The following XRN2 variants were observed in gnomAD, a reference collection of about 807,000 sequenced individuals.
XRN2 encodes DHM1-like protein.
In XRN2, 44 loss-of-function variants were observed where a neutral mutation model predicts 138.5. The observed-to-expected ratio is 0.32, with a 90% confidence interval of 0.25 to 0.41. XRN2 has a LOEUF of 0.41. Among genes scored for constraint, XRN2 ranks in the 10% least tolerant of loss-of-function variants. XRN2 has a pLI of 1.00. For missense variants in XRN2, 937 were observed against 1,169.3 expected (o/e 0.80, Z 2.90); for synonymous variants, 354 against 369.4 (o/e 0.96, Z 0.48).
chr20:21,368,410 T>C, intron 26 of XRN2, 53 bp from the exon 27 acceptor site: 1 of 1,601,196 alleles, frequency 6.2e-7, no homozygotes, highest in Non-Finnish European at 8.5e-7. Context: ...AGCTGTGTTA[T>C]GATGGGTATA....
intron 23 of XRN2, among the ~76,000 whole-genome samples, chr20:21,356,893 G>T (rs138474143): frequency 1.2e-4 from 18 of 152,258 alleles, no homozygotes; most frequent in African/African-American, 4.3e-4. Flanking sequence ...TATTCTGAAG[G>T]TTAAAACTCT....
chr20:21,364,942 C>T (rs6132419), intron 24 of XRN2, among the ~76,000 whole-genome samples: 10,773 of 152,162 alleles, frequency 0.071, 1,045 homozygotes, highest in African/African-American at 0.21. Context: ...TCCATCCCCC[C>T]CGCACCATAG....
At chr20:21,366,528 G>C (rs1288273356) in intron 26 of XRN2, among the ~76,000 whole-genome samples, 1 of 150,406 alleles carries the variant, frequency 6.6e-6, no homozygotes, top group East Asian at 2.0e-4. Context: ...CTGCACTCCA[G>C]CCTGGGCGAC....
chr20:21,330,512 A>C lies in XRN2; in HGVS notation c.459A>C (p.Glu153Asp). Reference sequence around the variant, plus strand: ...TTCTTCCTCCAGAAGAAATAAAAGAAAGATTTGACAGCAACTGTATTACAC... The same window carrying C: ...TTCTTCCTCCAGAAGAAATAAAAGACAGATTTGACAGCAACTGTATTACAC... ...GGFLPPEEIK[E>D]RFDSNCITPG... is the part of the protein sequence containing the mutation. The change falls in exon 5 of 30, where the codon GAA (glutamate) becomes GAC (aspartate). Residue 153 changes from glutamate (E) to aspartate (D), a missense_variant. By Grantham distance (45) the Glu-to-Asp change is conservative. Coordinates refer to ENST00000377191, the MANE Select transcript of XRN2 (RefSeq NM_012255.5). 6.2e-7 allele frequency: 1 copy of C among 1,613,898 alleles called. No individual in the cohort carries two copies. The highest frequency in any genetic ancestry group is 1.1e-5 in the South Asian group (1 of 91,048).
intron 27 of XRN2, among the ~76,000 whole-genome samples, chr20:21,371,846 A>G (rs2038766144): frequency 1.3e-5 from 2 of 152,334 alleles, no homozygotes; most frequent in South Asian, 4.1e-4. Flanking sequence ...AGGGGCCTAC[A>G]GTTCTATAGT....
At chr20:21,365,541 T>G (rs1600710462) in intron 25 of XRN2, 32 bp from the exon 26 acceptor site, 1 of 1,613,382 alleles carries the variant, frequency 6.2e-7, no homozygotes, top group East Asian at 2.2e-5. Flanking sequence ...TTTTCATCCC[T>G]ATTACTAAGT....
At position 21,389,359 on chromosome 20, in the gene XRN2, A is replaced by T. The variant is rs374096545; in HGVS notation, c.*21A>T. The stretch of plus-strand genomic sequence containing the variant: ...ATTAAGCTTTTGTAAAGCTTTCCCA[A>T]ATCCTTTCATCATTCTACAGTTTTA... On this transcript the variant is annotated 3_prime_UTR_variant, in exon 30 of 30. Coordinates refer to ENST00000377191, the MANE Select transcript of XRN2 (RefSeq NM_012255.5). 16 of 1,604,124 alleles carry T rather than the reference A, an allele frequency of 1.0e-5. No individual in the cohort carries two copies. The highest frequency in any genetic ancestry group is 1.4e-5 in the Non-Finnish European group (16 of 1,175,022).
chr20:21,326,548 C>G lies in XRN2; in HGVS notation c.262C>G (p.Leu88Val). The change falls in exon 3 of 30, where the codon CTT (leucine) becomes GTT (valine). Residue 88 changes from leucine to valine, a missense_variant. By Grantham distance (32) the Leu-to-Val change is conservative (BLOSUM62 1). Around this residue, in one of 6 missense-constraint regions of XRN2, gnomAD observed 51 missense variants for 93.5 expected, o/e 0.55. Transcript: ENST00000377191. ...TGCAATTTTTGAGTACATTGACAGA[C>G]TTTTCAGTATTGTAAGACCAAGAAG... is the stretch of plus-strand genomic sequence containing the variant. ...MVAIFEYIDR[L>V]FSIVRPRRLL... 6.2e-7 allele frequency: 1 copy of G among 1,613,968 alleles called. No homozygotes were observed. Among genetic ancestry groups the G allele is most frequent in the South Asian group, 1.1e-5 (1 of 91,072 alleles).
intron 1 of XRN2, among the ~76,000 whole-genome samples, chr20:21,312,697 C>T (rs1209237596): frequency 6.6e-6 from 1 of 151,136 alleles, no homozygotes; most frequent in Non-Finnish European, 1.5e-5. Flanking sequence ...GCAACCTCTG[C>T]CTCCTGGGTT....
chr20:21,386,084 T>C (rs972283554), intron 28 of XRN2, among the ~76,000 whole-genome samples: 3 of 152,266 alleles, frequency 2.0e-5, no homozygotes, highest in African/African-American at 7.2e-5. Context: ...AATTAAGTTA[T>C]GATTTAGTAC....
At chr20:21,322,097 T>C (rs1174916684) in intron 1 of XRN2, among the ~76,000 whole-genome samples, 1 of 152,258 alleles carries the variant, frequency 6.6e-6, no homozygotes, top group East Asian at 1.9e-4. Flanking sequence ...ATTTGTGTTC[T>C]TAATTGTAAG....
rs745834973 is a variant in XRN2, at chr20:21,334,113, A to G, written c.1161A>G (p.Gln387=). Residue 387 remains glutamine, a synonymous_variant, in exon 13 of 30, where the codon CAA becomes CAG. Transcript: ENST00000377191. ...CAGAAAGTGGTTATGTCAATCTGCA[A>G]AGAGTACAGATGATCATGTTAGCAG... The part of the protein sequence containing the change: ...YLTESGYVNL[Q]RVQMIMLAVG... 11 of 1,613,924 alleles carry G rather than the reference A, an allele frequency of 6.8e-6. No homozygotes were observed. The highest frequency in any genetic ancestry group is 4.4e-5 in the South Asian group (4 of 91,054).
intron 13 of XRN2, among the ~76,000 whole-genome samples, chr20:21,337,022 G>A (rs1374808815): frequency 6.6e-6 from 1 of 152,222 alleles, no homozygotes; most frequent in Non-Finnish European, 1.5e-5. Flanking sequence ...GGCAAAGGAA[G>A]AGCAGTAGGA....
intron 1 of XRN2, among the ~76,000 whole-genome samples, chr20:21,321,207 A>G (rs572374238): frequency 1.4e-5 from 2 of 147,184 alleles, no homozygotes; most frequent in Non-Finnish European, 3.0e-5. Flanking sequence ...AGGTTTCACC[A>G]TATTGCCTAG....
intron 3 of XRN2, among the ~76,000 whole-genome samples, chr20:21,328,193 T>C (rs2038154290): frequency 6.6e-6 from 1 of 152,234 alleles, no homozygotes; most frequent in African/African-American, 2.4e-5. Flanking sequence ...TAACTGCTCA[T>C]CAGATGTTGG....
At chr20:21,364,534 C>T (rs568022343) in intron 24 of XRN2, among the ~76,000 whole-genome samples, 179 of 152,262 alleles carry the variant, frequency 1.2e-3, no homozygotes, top group African/African-American at 4.1e-3. Flanking sequence ...TGTCCAGGCG[C>T]GGTGGCTCAT....
intron 9 of XRN2, 84 bp downstream of exon 9, chr20:21,332,524 A>C: frequency 7.4e-7 from 1 of 1,344,190 alleles, no homozygotes; most frequent in Non-Finnish European, 9.9e-7. Flanking sequence ...TATCATTTCA[A>C]CCATTTTAAA....
chr20:21,352,685 T>C (rs936728338), intron 20 of XRN2, among the ~76,000 whole-genome samples: 7 of 152,206 alleles, frequency 4.6e-5, no homozygotes, highest in African/African-American at 1.7e-4. Context: ...TAGTACTATA[T>C]AGATATATAG....
chr20:21,326,624 G>A (rs1395902820), intron 3 of XRN2, 23 bp downstream of exon 3: 1 of 1,576,850 alleles, frequency 6.3e-7, no homozygotes, highest in South Asian at 1.2e-5. Context: ...ATAATTAGAA[G>A]CCTCCATTTT....
Sources: gnomAD v4.1 joint callset for allele counts (sites outside exome capture counted in the v4.1 genomes callset) on GRCh38, gnomAD v4.1.1 for gene constraint, gnomAD v4.1.1 regional missense constraint, MANE v1.5 for transcripts, NCBI Gene and HGNC (gene_info 2026-07-23, HGNC 2026-07-21) for gene names.